Variants in TPD52 observed in about 807,000 individuals in gnomAD.
TPD52 encodes the protein prostate and colon associated protein.
TPD52 carries 17 observed loss-of-function variants against 31.3 expected under a neutral mutation model. The ratio of observed to expected loss-of-function variants is 0.54; its 90% CI spans 0.37 to 0.82. The LOEUF (loss-of-function observed/expected upper bound fraction) is 0.82. TPD52 is among the 40% of genes least tolerant of loss of function. The pLI is 0.00. For synonymous variants in TPD52, 83 were observed against 89.6 expected (o/e 0.93, Z 0.42); for missense variants, 212 against 240.1 (o/e 0.88, Z 0.77).
chr8:80,168,236 A>G (rs904834011), intron 1 of TPD52, among the ~76,000 whole-genome samples: 4 of 152,360 alleles, frequency 2.6e-5, no homozygotes, highest in South Asian at 4.1e-4. Flanking sequence ...GGTTGAAAAC[A>G]TAAGGAAAAC....
chr8:80,105,298 GCAC>G (rs1362706938), intron 1 of TPD52, among the ~76,000 whole-genome samples: 5 of 152,106 alleles, frequency 3.3e-5, no homozygotes, highest in African/African-American at 1.2e-4. Context: ...AGACAGCCCA[GCAC>G]CACACCCTGG....
chr8:80,088,887 G>A (rs945878279), intron 1 of TPD52, among the ~76,000 whole-genome samples: 1 of 152,150 alleles, frequency 6.6e-6, no homozygotes, highest in South Asian at 2.1e-4. Context: ...AGTAGAGACG[G>A]GGTTTCACTG....
intron 1 of TPD52, among the ~76,000 whole-genome samples, chr8:80,076,565 T>C (rs1814563319): frequency 6.6e-6 from 1 of 152,104 alleles, no homozygotes; most frequent in Non-Finnish European, 1.5e-5. Flanking sequence ...CTACTGTGTA[T>C]CAGGTTTAGT....
chr8:80,139,425 T>C (rs1459296522), intron 1 of TPD52, among the ~76,000 whole-genome samples: 1 of 151,864 alleles, frequency 6.6e-6, no homozygotes, highest in Non-Finnish European at 1.5e-5. Context: ...AAAAAAAAAT[T>C]TTTTCAGAGT....
At chr8:80,156,387 T>A (rs974836965) in intron 1 of TPD52, among the ~76,000 whole-genome samples, 8 of 152,322 alleles carry the variant, frequency 5.3e-5, no homozygotes, top group Admixed American at 2.0e-4. Context: ...GTCACTTCCG[T>A]CTCATTCTAT....
chr8:80,096,866 T>C (rs919363415), intron 1 of TPD52, among the ~76,000 whole-genome samples: 12 of 152,190 alleles, frequency 7.9e-5, no homozygotes, highest in Admixed American at 6.5e-5. Context: ...CGATGGCCTC[T>C]AGGTGTTCAA....
At chr8:80,168,329 G>A (rs891558694) in intron 1 of TPD52, among the ~76,000 whole-genome samples, 1 of 152,170 alleles carries the variant, frequency 6.6e-6, no homozygotes, top group African/African-American at 2.4e-5. Context: ...CACATAAGAA[G>A]GTTGGAAGAG....
At chr8:80,119,702 ATATATGGCC>A (rs1808119025) in intron 1 of TPD52, 1 of 167,632 alleles carries the variant, frequency 6.0e-6, no homozygotes, top group Non-Finnish European at 1.3e-5. Flanking sequence ...AATTAAAAGA[ATATATGGCC>A]TTTAAAACCA....
chr8:80,072,341 GTGTGTGTA>G (rs964052339), intron 1 of TPD52, among the ~76,000 whole-genome samples: 2 of 150,972 alleles, frequency 1.3e-5, no homozygotes, highest in African/African-American at 2.5e-5. Context: ...GTGTGTGTGT[GTGTGTGTA>G]TGTGTGTATA....
In TPD52 at chr8:80,154,743, ACACAC is replaced by A. The variant is rs1320079265; in HGVS notation, c.19+16677_19+16681del. Among the ~76,000 whole-genome samples the A allele has an allele frequency of 9.5e-3, 634 of 66,540 alleles. 2 individuals are homozygous for A. The highest frequency in any genetic ancestry group is 0.032 in the Middle Eastern group (3 of 94). The allele number at this position is 66,540 out of a possible 152,430, so 43.7% of individuals were successfully genotyped here. A position where few individuals can be genotyped will look rare whatever the true frequency, so the allele number is the denominator to read the frequency against. ...CACACACACACACACACACACACAC[ACACAC>A]ACACAAAACACCTACATTAGCTTTG... On this transcript the variant is annotated intron_variant, in intron 1 of 7. Transcript: ENST00000518937.
At chr8:80,083,439 G>A (rs80241243) in intron 1 of TPD52, among the ~76,000 whole-genome samples, 21,262 of 152,188 alleles carry the variant, frequency 0.14, 1,677 homozygotes, top group South Asian at 0.3. Flanking sequence ...ACCAGGTGGA[G>A]TAAACTGAAT....
intron 5 of TPD52, among the ~76,000 whole-genome samples, chr8:80,046,402 T>A (rs935637220): frequency 2.6e-5 from 4 of 152,184 alleles, no homozygotes; most frequent in Non-Finnish European, 5.9e-5. Context: ...CTCCCCATAA[T>A]CCATAGTTAG....
rs1444660264 is a variant in TPD52, at chr8:80,038,338, A to G, written c.505-103T>C. ...CACTTTCAAGAACAAATACATCAGC[A>G]ACCTTATAGCTCAGTGATTATTATA... On this transcript the variant is annotated intron_variant, in intron 7 of 7. Coordinates refer to ENST00000518937, the MANE Select transcript of TPD52 (RefSeq NM_001025253.3). 1.6e-5 allele frequency: 19 copies of G among 1,180,448 alleles called. No homozygotes were observed. The East Asian group carries it at 4.4e-4, about 27-fold the overall frequency. 73.1% of individuals were successfully genotyped at this position (1,180,448 alleles called of 1,614,324 possible). A position where few individuals can be genotyped will look rare whatever the true frequency, so the allele number is the denominator to read the frequency against.
chr8:80,158,047 C>T (rs1811090506), intron 1 of TPD52, among the ~76,000 whole-genome samples: 1 of 152,196 alleles, frequency 6.6e-6, no homozygotes, highest in Admixed American at 6.5e-5. Context: ...CTAAAAACGA[C>T]ATTCAAATTT....
At chr8:80,082,469 G>A (rs1371998185) in intron 1 of TPD52, among the ~76,000 whole-genome samples, 1 of 152,156 alleles carries the variant, frequency 6.6e-6, no homozygotes, top group South Asian at 2.1e-4. Flanking sequence ...GGCATTAGAA[G>A]GTAATTAATA....
intron 1 of TPD52, among the ~76,000 whole-genome samples, chr8:80,113,588 C>A (rs1807654834): frequency 6.6e-6 from 1 of 152,098 alleles, no homozygotes; most frequent in Non-Finnish European, 1.5e-5. Flanking sequence ...CAATGGAATA[C>A]TATGCTGCCA....
intron 1 of TPD52, among the ~76,000 whole-genome samples, chr8:80,153,058 G>A (rs1372331217): frequency 6.6e-6 from 1 of 152,118 alleles, no homozygotes; most frequent in African/African-American, 2.4e-5. Context: ...AAGACTCTTA[G>A]GCACTAACAA....
chr8:80,151,219 G>A (rs936322334), intron 1 of TPD52, among the ~76,000 whole-genome samples: 4 of 152,150 alleles, frequency 2.6e-5, no homozygotes, highest in African/African-American at 9.7e-5. Flanking sequence ...TTCACCTTCT[G>A]CCATGATTGT....
intron 7 of TPD52, 65 bp downstream of exon 7, chr8:80,042,555 C>T (rs1363768965): frequency 1.3e-6 from 2 of 1,550,484 alleles, no homozygotes; most frequent in Non-Finnish European, 1.7e-6. Context: ...ATGATTTTCG[C>T]ACAGCAAAGT....
Sources: allele counts gnomAD v4.1 joint callset (sites outside exome capture counted in the v4.1 genomes callset), GRCh38; gene constraint gnomAD v4.1.1; transcripts MANE v1.5; gene names NCBI Gene and HGNC (gene_info 2026-07-23, HGNC 2026-07-21).